ZNF420: variants seen among roughly 807,000 people sequenced by gnomAD.
The protein encoded by ZNF420 is zinc finger protein 420.
In ZNF420, 31 loss-of-function variants were observed where a neutral mutation model predicts 44.7. The ratio of observed to expected loss-of-function variants is 0.69; its 90% confidence interval spans 0.52 to 0.94. The LOEUF (loss-of-function observed/expected upper bound fraction) is 0.94, where lower values mean the gene tolerates loss of function less well. Among genes scored for constraint, ZNF420 ranks in the 40% least tolerant of loss-of-function variants. The probability of loss-of-function intolerance (pLI) is 0.00; values close to 1 mark genes in which losing one functional copy is unlikely to be tolerated. For synonymous variants in ZNF420, 245 were observed against 267.4 expected (o/e 0.92, Z 0.82); for missense variants, 681 against 827.9 (o/e 0.82, Z 2.18).
intron 4 of ZNF420, 40 bp from the exon 5 acceptor site, chr19:37,127,088 G>C: frequency 1.4e-6 from 2 of 1,438,488 alleles, no homozygotes; most frequent in Non-Finnish European, 1.8e-6. Context: ...TTCTATAGAA[G>C]TTATATTTCT....
intron 1 of ZNF420, among the ~76,000 whole-genome samples, chr19:37,051,283 T>A (rs931095985): frequency 2.0e-5 from 3 of 152,244 alleles, no homozygotes; most frequent in African/African-American, 7.2e-5. Flanking sequence ...TGGAATAGTT[T>A]CAGAAGGAAT....
At chr19:37,121,470 T>C (rs1259113218) in intron 4 of ZNF420, among the ~76,000 whole-genome samples, 3,481 of 150,566 alleles carry the variant, frequency 0.023, 134 homozygotes, top group African/African-American at 0.081. Flanking sequence ...ATACAAAAAT[T>C]AATTCAAGAT....
At chr19:37,097,114 G>A (rs1021875574) in intron 4 of ZNF420, among the ~76,000 whole-genome samples, 14 of 151,976 alleles carry the variant, frequency 9.2e-5, no homozygotes, top group African/African-American at 3.4e-4. Flanking sequence ...GGCCAGGCTG[G>A]TCTTGAATTC....
intron 1 of ZNF420, among the ~76,000 whole-genome samples, chr19:37,046,405 G>A (rs1265571003): frequency 6.6e-6 from 1 of 152,080 alleles, no homozygotes; most frequent in Non-Finnish European, 1.5e-5. Context: ...ATTCATAATA[G>A]CAAAAATCTG....
intron 1 of ZNF420, among the ~76,000 whole-genome samples, chr19:37,036,932 T>C (rs1466653081): frequency 6.6e-6 from 1 of 152,242 alleles, no homozygotes; most frequent in Non-Finnish European, 1.5e-5. Flanking sequence ...AGTGTAGAAT[T>C]CTCAGATTCT....
chr19:37,103,980 C>CTTTTTTTTTTTTTTTTTTTTTTTTT (rs59756045), intron 4 of ZNF420, among the ~76,000 whole-genome samples: 1 of 139,200 alleles, frequency 7.2e-6, no homozygotes, highest in African/African-American at 2.6e-5. Context: ...TTTTTTTTGT[C>CTTTTTTTTTTTTTTTTTTTTTTTTT]TTTTTTTTTT....
chr19:37,016,480 G>C (rs2074609752), intron 1 of ZNF420, among the ~76,000 whole-genome samples: 1 of 152,214 alleles, frequency 6.6e-6, no homozygotes, highest in Non-Finnish European at 1.5e-5. Context: ...TGTGGTCCCA[G>C]TTGTGCTTTG....
At chr19:37,123,590 T>C (rs1209882559) in intron 4 of ZNF420, among the ~76,000 whole-genome samples, 2 of 145,594 alleles carry the variant, frequency 1.4e-5, no homozygotes, top group Non-Finnish European at 3.0e-5. Context: ...TATTTTCTTT[T>C]ACTCTTGTCT....
chr19:37,097,844 G>A (rs1969543694), intron 4 of ZNF420, among the ~76,000 whole-genome samples: 1 of 151,978 alleles, frequency 6.6e-6, no homozygotes, highest in Non-Finnish European at 1.5e-5. Flanking sequence ...TCACGAGATT[G>A]GCTTCGTTTT....
At chr19:37,111,526 T>C (rs1970385856) in intron 4 of ZNF420, 1 of 152,236 alleles carries the variant, frequency 6.6e-6, no homozygotes, top group East Asian at 1.9e-4. Flanking sequence ...CAGATGCTAT[T>C]GCCAGTCCTG....
chr19:37,105,117 T>G (rs1970001938), intron 4 of ZNF420, among the ~76,000 whole-genome samples: 1 of 152,154 alleles, frequency 6.6e-6, no homozygotes, highest in African/African-American at 2.4e-5. Context: ...TCTTCTAGGG[T>G]TTTTATGGTT....
chr19:37,063,132 T>C (rs1419643227), intron 1 of ZNF420, among the ~76,000 whole-genome samples: 1 of 152,170 alleles, frequency 6.6e-6, no homozygotes, highest in Non-Finnish European at 1.5e-5. Flanking sequence ...TTACAGAAAG[T>C]TGCAAGTATA....
intron 4 of ZNF420, among the ~76,000 whole-genome samples, chr19:37,119,526 T>G (rs554200887): frequency 1.1e-3 from 162 of 152,094 alleles, no homozygotes; most frequent in African/African-American, 3.9e-3. Context: ...GCAGGAAAGA[T>G]TCAAAATGGA....
intron 1 of ZNF420, among the ~76,000 whole-genome samples, chr19:37,058,630 C>T (rs1967803188): frequency 6.6e-6 from 1 of 152,110 alleles, no homozygotes; most frequent in African/African-American, 2.4e-5. Flanking sequence ...CAGGCACGGG[C>T]CCATTCCTGG....
chr19:37,049,838 T>C (rs2146421852), intron 1 of ZNF420, among the ~76,000 whole-genome samples: 1 of 152,366 alleles, frequency 6.6e-6, no homozygotes, highest in East Asian at 1.9e-4. Flanking sequence ...CTAGGGTTTT[T>C]ATGGTTTTAG....
At chr19:37,124,871 C>G (rs545381380) in intron 4 of ZNF420, among the ~76,000 whole-genome samples, 3 of 151,970 alleles carry the variant, frequency 2.0e-5, no homozygotes, top group South Asian at 4.2e-4. Flanking sequence ...AAGTCTTGCA[C>G]TGTCACCCAG....
At chr19:37,058,142 C>G (rs1220141226) in intron 1 of ZNF420, among the ~76,000 whole-genome samples, 1 of 152,154 alleles carries the variant, frequency 6.6e-6, no homozygotes, top group African/African-American at 2.4e-5. Flanking sequence ...AGAACACTTC[C>G]CAGTCCATCA....
At chr19:37,060,051 G>A (rs1967847120) in intron 1 of ZNF420, among the ~76,000 whole-genome samples, 1 of 152,044 alleles carries the variant, frequency 6.6e-6, no homozygotes, top group African/African-American at 2.4e-5. Flanking sequence ...TGGTTGTCTC[G>A]TTTTCGCGGC....
intron 4 of ZNF420, among the ~76,000 whole-genome samples, chr19:37,103,645 C>A (rs1220989043): frequency 6.6e-6 from 1 of 152,186 alleles, no homozygotes; most frequent in Non-Finnish European, 1.5e-5. Context: ...ACCTCTTTTC[C>A]TATTAACATG....
Sources: gnomAD v4.1 joint callset for allele counts (sites outside exome capture counted in the v4.1 genomes callset) on GRCh38, gnomAD v4.1.1 for gene constraint, MANE v1.5 for transcripts, NCBI Gene and HGNC (gene_info 2026-07-23, HGNC 2026-07-21) for gene names.